PP2D1: variants seen among roughly 807,000 people sequenced by gnomAD.
The protein encoded by PP2D1 is protein phosphatase 2C like domain containing 1.
A neutral mutation model predicts 30.2 loss-of-function variants in PP2D1; 25 were observed. That is an observed-to-expected ratio of 0.83 (90% CI 0.60 to 1.16). The LOEUF (loss-of-function observed/expected upper bound fraction) is 1.16. Among genes scored for constraint, PP2D1 ranks in the 50% most tolerant of loss-of-function variants. The pLI is 0.00. For synonymous variants in PP2D1, 260 were observed against 258.9 expected, an observed-to-expected ratio of 1.00 and a Z score of -0.04; for missense variants, 760 against 742.4, an observed-to-expected ratio of 1.02 and a Z score of -0.28.
rs1472463059 is a variant in PP2D1 at position 19,985,353 on chromosome 3, G to A, written c.*27C>T. 1.4e-6 allele frequency: 2 copies of A among 1,436,396 alleles called. No individual in the cohort carries two copies. The highest frequency in any genetic ancestry group is 9.3e-7 in the Non-Finnish European group (1 of 1,071,414). 89.0% of individuals were successfully genotyped at this position (1,436,396 alleles called of 1,614,324 possible). On this transcript the variant is annotated 3_prime_UTR_variant, in exon 3 of 3. Coordinates refer to ENST00000389050, the MANE Select transcript of PP2D1 (RefSeq NM_001252657.2). ...TTGAAGAATCACTTTATATTTTGGT[G>A]CTCTGGATAATTGGAACTTTATTTT...
downstream of PP2D1, among the ~76,000 whole-genome samples, chr3:19,981,601 G>A (rs986643920): frequency 6.8e-6 from 1 of 146,934 alleles, no homozygotes; most frequent in Non-Finnish European, 1.5e-5. Flanking sequence ...GTGACAGAGC[G>A]AGACTCCGCC....
At chr3:20,007,191 C>T (rs562854761) in intron 1 of PP2D1, among the ~76,000 whole-genome samples, 1 of 152,152 alleles carries the variant, frequency 6.6e-6, no homozygotes, top group African/African-American at 2.4e-5. Flanking sequence ...TACTTTAAAT[C>T]ATCTCTTGAT....
intron 2 of PP2D1, among the ~76,000 whole-genome samples, chr3:19,998,788 C>T (rs1329117147): frequency 1.3e-5 from 2 of 152,018 alleles, no homozygotes; most frequent in African/African-American, 4.8e-5. Context: ...AATTCCCTTG[C>T]TATAATTAAT....
chr3:19,985,573 A>T lies in PP2D1; in HGVS notation c.1700T>A (p.Val567Glu). The part of the protein sequence containing the change: ...TTHRKPCSEK[V>E]TDRPTSVNDV... ...ATTTACACTAGTTGGTCTGTCAGTT[A>T]CTTTTTCACTGCAAGGTTTACGATG... The change falls in exon 3 of 3, where the codon GTA (valine) becomes GAA (glutamate). Residue 567 changes from valine to glutamate, a missense_variant. Physicochemically the swap from Val to Glu is moderately radical, Grantham distance 121. Coordinates refer to ENST00000389050, the MANE Select transcript of PP2D1 (RefSeq NM_001252657.2). 6.5e-7 allele frequency: 1 copy of T among 1,536,052 alleles called. No individual in the cohort carries two copies. Among genetic ancestry groups the T allele is most frequent in the Non-Finnish European group, 8.7e-7 (1 of 1,146,866 alleles).
At chr3:20,007,567 G>A (rs1412995181) in intron 1 of PP2D1, among the ~76,000 whole-genome samples, 1 of 152,060 alleles carries the variant, frequency 6.6e-6, no homozygotes, top group Non-Finnish European at 1.5e-5. Flanking sequence ...TCAGAAGTTC[G>A]AGACCAGCCT....
chr3:20,004,932 C>G (rs541724225), intron 1 of PP2D1, among the ~76,000 whole-genome samples: 1 of 151,958 alleles, frequency 6.6e-6, no homozygotes, highest in East Asian at 1.9e-4. Context: ...CATAGTGAGG[C>G]CTCGTCTCTA....
downstream of PP2D1, among the ~76,000 whole-genome samples, chr3:19,981,039 C>T (rs538946862): frequency 6.6e-6 from 1 of 152,298 alleles, no homozygotes; most frequent in East Asian, 1.9e-4. Flanking sequence ...AAGTTAGAGT[C>T]TTACCATAGT....
intron 1 of PP2D1, among the ~76,000 whole-genome samples, chr3:20,006,217 G>A (rs891685047): frequency 5.3e-5 from 8 of 152,178 alleles, no homozygotes; most frequent in Admixed American, 5.2e-4. Context: ...CTGCACTCCA[G>A]CCTGGGCGAC....
At chr3:19,982,374 A>T (rs1696945813), downstream of PP2D1, among the ~76,000 whole-genome samples, 1 of 152,158 alleles carries the variant, frequency 6.6e-6, no homozygotes, top group African/African-American at 2.4e-5. Context: ...TTTGTGTGTG[A>T]GTATGTTTCC....
At chr3:19,999,581 G>T (rs2365374) in intron 2 of PP2D1, among the ~76,000 whole-genome samples, 23,332 of 149,760 alleles carry the variant, frequency 0.16, 2,389 homozygotes, top group Non-Finnish European at 0.23. Flanking sequence ...TAAAGACGGG[G>T]TTTCACTATG....
intron 1 of PP2D1, among the ~76,000 whole-genome samples, chr3:20,011,264 T>C (rs576087834): frequency 6.6e-6 from 1 of 152,286 alleles, no homozygotes; most frequent in South Asian, 2.1e-4. Flanking sequence ...CCAAAATATA[T>C]AAAAATATTT....
chr3:20,006,056 C>G (rs1043043259), intron 1 of PP2D1, among the ~76,000 whole-genome samples: 1 of 152,122 alleles, frequency 6.6e-6, no homozygotes, highest in Non-Finnish European at 1.5e-5. Context: ...ACTAGCCCAG[C>G]CAACATGGTG....
rs577061480 is a variant in PP2D1 at position 19,993,637 on chromosome 3, G to A, written c.1090+7393C>T. On this transcript the variant is annotated intron_variant, in intron 2 of 2. Coordinates refer to ENST00000389050, the MANE Select transcript of PP2D1 (RefSeq NM_001252657.2). ...AATCTTAGCTCCTTGGGAGGCTGAG[G>A]CAGGAGAATCGCTTGGACCCTGAAT... Among the ~76,000 whole-genome samples, 7 of 152,336 alleles carry A rather than the reference G, an allele frequency of 4.6e-5. 1 individual carries two copies. In the East Asian group the frequency reaches 1.4e-3, roughly 29 times the overall value.
At position 19,985,619 on chromosome 3, in the gene PP2D1, T is replaced by C. The variant is rs1409583093; in HGVS notation, c.1654A>G (p.Thr552Ala). 1.0e-5 allele frequency: 16 copies of C among 1,536,044 alleles called. No homozygotes were observed. Among genetic ancestry groups the C allele is most frequent in the Non-Finnish European group, 1.3e-5 (15 of 1,146,778 alleles). ...YCIYNPENVE[T>A]FPAETTHRKP... ...CGATGAGTCGTTTCTGCTGGAAATGTTTCTACATTCTCAGGGTTATAAATA... is the reference window on the plus strand; with the variant it reads ...CGATGAGTCGTTTCTGCTGGAAATGCTTCTACATTCTCAGGGTTATAAATA... The change falls in exon 3 of 3, where the codon ACA (threonine) becomes GCA (alanine). Residue 552 changes from threonine (T) to alanine (A), a missense_variant. Around this residue, in one of 3 missense-constraint regions of PP2D1, gnomAD observed 369 missense variants for 316.2 expected, o/e 1.17. Transcript: ENST00000389050.
At chr3:20,012,024 T>A in intron 1 of PP2D1, 26 bp downstream of exon 1, 1 of 1,510,554 alleles carries the variant, frequency 6.6e-7, no homozygotes, top group Non-Finnish European at 8.9e-7. Flanking sequence ...ATACGTATTA[T>A]CCAAAAAAGA....
chr3:19,992,924 T>G (rs1697135472), intron 2 of PP2D1, among the ~76,000 whole-genome samples: 1 of 152,174 alleles, frequency 6.6e-6, no homozygotes, highest in African/African-American at 2.4e-5. Flanking sequence ...GCCTAGCTAC[T>G]TGGGAGGCTG....
chr3:20,000,300 CTG>C (rs1483245161), intron 2 of PP2D1, among the ~76,000 whole-genome samples: 1 of 152,124 alleles, frequency 6.6e-6, no homozygotes, highest in African/African-American at 2.4e-5. Flanking sequence ...GGAAATTACT[CTG>C]TATTCAATAT....
chr3:19,980,445 A>ATTTTTTT (rs11441052), downstream of PP2D1, among the ~76,000 whole-genome samples: 26 of 148,082 alleles, frequency 1.8e-4, no homozygotes, highest in Non-Finnish European at 1.6e-4. Flanking sequence ...AGGTTAGTAA[A>ATTTTTTT]TTTTTTTTTC....
intron 2 of PP2D1, among the ~76,000 whole-genome samples, chr3:19,992,021 A>G (rs1697125305): frequency 1.3e-5 from 2 of 152,204 alleles, no homozygotes; most frequent in African/African-American, 4.8e-5. Flanking sequence ...TAGGGGAAAC[A>G]GTCTGTATCC....
Sources: allele counts gnomAD v4.1 joint callset (sites outside exome capture counted in the v4.1 genomes callset), GRCh38; gene constraint gnomAD v4.1.1; regional missense constraint gnomAD v4.1.1; transcripts MANE v1.5; gene names NCBI Gene and HGNC (gene_info 2026-07-23, HGNC 2026-07-21).